The following RSAD2 variants were observed in gnomAD, a reference collection of about 807,000 sequenced individuals.
The protein encoded by RSAD2 is radical S-adenosyl methionine domain containing 2.
Under a neutral mutation model 37.7 loss-of-function variants are expected in RSAD2, and 38 were observed. The ratio of observed to expected loss-of-function variants is 1.01; its 90% CI spans 0.78 to 1.32. RSAD2 has a LOEUF of 1.32. Ranked by LOEUF, RSAD2 falls within the 40% of genes most tolerant of loss-of-function variation. The pLI is 0.00. For synonymous variants in RSAD2, 163 were observed against 157.4 expected, an observed-to-expected ratio of 1.04 and a Z score of -0.27; for missense variants, 428 against 437.5, an observed-to-expected ratio of 0.98 and a Z score of 0.19.
chr2:6,879,458 A>T (rs1264648630), intron 1 of RSAD2, among the ~76,000 whole-genome samples: 1 of 151,734 alleles, frequency 6.6e-6, no homozygotes, highest in Admixed American at 6.6e-5. Context: ...TGTCACACTC[A>T]TTTTCTCCAA....
exon 1 of RSAD2, chr2:6,865,925 C>A: frequency 1.4e-6 from 2 of 1,386,110 alleles, no homozygotes; most frequent in Non-Finnish European, 1.9e-6. Flanking sequence ...AAACGGCCGG[C>A]GCTCGGGAGC....
intron 1 of RSAD2, among the ~76,000 whole-genome samples, chr2:6,880,794 T>C (rs1663381924): frequency 6.6e-6 from 1 of 151,832 alleles, no homozygotes; most frequent in Admixed American, 6.6e-5. Context: ...AGGTTTAAAT[T>C]CACATTGAAA....
intron 1 of RSAD2, among the ~76,000 whole-genome samples, chr2:6,872,766 A>G (rs1156385595): frequency 6.6e-6 from 1 of 152,204 alleles, no homozygotes; most frequent in African/African-American, 2.4e-5. Context: ...AAGAAATCGT[A>G]TATGAGTCTT....
Position 6,883,545 on chromosome 2 carries a change from G to A in RSAD2, c.508+13G>A. 6.2e-7 allele frequency: 1 copy of A among 1,613,572 alleles called. No homozygotes were observed. Among genetic ancestry groups the A allele is most frequent in the Non-Finnish European group, 8.5e-7 (1 of 1,179,630 alleles). On this transcript the variant is annotated intron_variant, in intron 2 of 5. Coordinates refer to ENST00000382040, the MANE Select transcript of RSAD2 (RefSeq NM_080657.5). ...TTCCAGAATTATGGTGTGCTCCATG[G>A]GATGGCATTCTTCTTATTGCTATTG... is the stretch of plus-strand genomic sequence containing the variant.
At chr2:6,893,538 C>A in intron 4 of RSAD2, 133 bp from the exon 5 acceptor site, 1 of 738,272 alleles carries the variant, frequency 1.4e-6, no homozygotes, top group Non-Finnish European at 2.4e-6. Flanking sequence ...GAGGGCCATG[C>A]CAAAGGCAAC....
chr2:6,881,534 A>G (rs1663399883), intron 1 of RSAD2, among the ~76,000 whole-genome samples: 1 of 152,246 alleles, frequency 6.6e-6, no homozygotes, highest in Admixed American at 6.5e-5. Flanking sequence ...AAACCAGATA[A>G]TAATTCCTTC....
At chr2:6,893,343 T>C (rs1034126811) in intron 4 of RSAD2, among the ~76,000 whole-genome samples, 2 of 152,122 alleles carry the variant, frequency 1.3e-5, no homozygotes, top group East Asian at 3.8e-4. Context: ...ATCAGAAATA[T>C]CATGTAAAGA....
chr2:6,896,068 C>T lies in RSAD2; in HGVS notation c.*126C>T, dbSNP rs866482797. ...AAACCTGATTTTCTGCTGCACGTGG[C>T]ATCTGATTACCTGTGGTCACTGAAC... On this transcript the variant is annotated 3_prime_UTR_variant, in exon 6 of 6. Coordinates refer to ENST00000382040, the MANE Select transcript of RSAD2 (RefSeq NM_080657.5). 25 of 829,872 alleles carry T rather than the reference C, an allele frequency of 3.0e-5. 1 individual carries two copies. The Middle Eastern group carries it at 4.0e-3, about 134-fold the overall frequency. The allele number at this position is 829,872 out of a possible 1,614,324, so 51.4% of individuals were successfully genotyped here. A position where few individuals can be genotyped will look rare whatever the true frequency, so the allele number is the denominator to read the frequency against.
chr2:6,874,012 T>A (rs1453633335), upstream of RSAD2, among the ~76,000 whole-genome samples: 1 of 152,170 alleles, frequency 6.6e-6, no homozygotes, highest in African/African-American at 2.4e-5. Flanking sequence ...TGGTGGGAAG[T>A]GATTGGATCA....
chr2:6,885,883 T>A (rs1663507273), intron 2 of RSAD2, among the ~76,000 whole-genome samples: 1 of 152,228 alleles, frequency 6.6e-6, no homozygotes, highest in Non-Finnish European at 1.5e-5. Context: ...TTTAGAACGT[T>A]TTGAGTTGTT....
At chr2:6,878,250 A>G (rs939457615) in intron 1 of RSAD2, 104 bp downstream of exon 1, 19 of 917,678 alleles carry the variant, frequency 2.1e-5, no homozygotes, top group Non-Finnish European at 3.1e-5. Flanking sequence ...GCTTCTCCAA[A>G]GCTTGAGGTC....
At chr2:6,873,055 C>CT (rs2103236288), upstream of RSAD2, among the ~76,000 whole-genome samples, 1 of 152,214 alleles carries the variant, frequency 6.6e-6, no homozygotes, top group African/African-American at 2.4e-5. Context: ...AAGGTAAATT[C>CT]TTTTTGCGTG....
rs1015200169 is a variant in RSAD2 at position 6,878,722 on chromosome 2, A to G, written c.346+576A>G. 3.7e-5 allele frequency: 20 copies of G among 545,212 alleles called. No homozygotes were observed. The South Asian group carries it at 5.6e-4, about 15-fold the overall frequency. 33.8% of individuals were successfully genotyped at this position (545,212 alleles called of 1,614,324 possible). ...GAGCATCACCACATTAGTAACTGGC[A>G]GCGTCTTGGAGAGAACTCAGCACGT... On this transcript the variant is annotated intron_variant, in intron 1 of 5. Transcript: ENST00000382040.
chr2:6,887,854 G>A (rs373347056), intron 3 of RSAD2, among the ~76,000 whole-genome samples: 2 of 152,210 alleles, frequency 1.3e-5, no homozygotes, highest in East Asian at 1.9e-4. Context: ...TTGCACAAAC[G>A]TGTATTTCTA....
rs1220261865 is a variant in RSAD2 at position 6,877,851 on chromosome 2, C to T, written c.51C>T (p.Phe17=). The part of the protein sequence containing the change: ...AAFAGKLLSV[F]RQPLSSLWRS... Reference sequence around the variant, plus strand: ...TTGCTGGGAAGCTCTTGAGTGTGTTCAGGCAACCTCTGAGCTCTCTGTGGA... The same window carrying T: ...TTGCTGGGAAGCTCTTGAGTGTGTTTAGGCAACCTCTGAGCTCTCTGTGGA... The change falls in exon 1 of 6, where the codon TTC becomes TTT. Residue 17 remains phenylalanine (F), a synonymous_variant. Coordinates refer to ENST00000382040, the MANE Select transcript of RSAD2 (RefSeq NM_080657.5). The T allele has an allele frequency of 6.2e-7, 1 of 1,613,972 alleles. No homozygotes were observed. The highest frequency in any genetic ancestry group is 1.7e-5 in the Admixed American group (1 of 59,976).
At chr2:6,877,672 C>T (rs1333921979), upstream of RSAD2, 2 of 684,488 alleles carry the variant, frequency 2.9e-6, no homozygotes, top group Non-Finnish European at 4.8e-6. Context: ...TCTAACTCAG[C>T]TGAGTGTTAG....
intron 1 of RSAD2, among the ~76,000 whole-genome samples, chr2:6,872,237 C>T (rs1663214111): frequency 6.6e-6 from 1 of 152,106 alleles, no homozygotes; most frequent in Non-Finnish European, 1.5e-5. Flanking sequence ...TAAGATAATA[C>T]TAAGACACTA....
At chr2:6,874,040 G>A (rs1572151847), upstream of RSAD2, among the ~76,000 whole-genome samples, 4 of 152,308 alleles carry the variant, frequency 2.6e-5, no homozygotes, top group African/African-American at 9.6e-5. Context: ...AGGTCCTCAT[G>A]AATGGCTTAG....
chr2:6,868,406 G>A (rs1663144810), intron 1 of RSAD2, among the ~76,000 whole-genome samples: 1 of 151,980 alleles, frequency 6.6e-6, no homozygotes, highest in African/African-American at 2.4e-5. Context: ...AAGTTCAAAA[G>A]GATACCCAAA....
Sources: gnomAD v4.1 joint callset for allele counts (sites outside exome capture counted in the v4.1 genomes callset) on GRCh38, gnomAD v4.1.1 for gene constraint, MANE v1.5 for transcripts, NCBI Gene and HGNC (gene_info 2026-07-23, HGNC 2026-07-21) for gene names.